PITPNM3: variants seen among roughly 807,000 people sequenced by gnomAD.
The protein encoded by PITPNM3 is membrane-associated phosphatidylinositol transfer protein 3.
Under a neutral mutation model 102.0 loss-of-function variants are expected in PITPNM3, and 26 were observed. That is an observed-to-expected ratio of 0.25 (90% CI 0.19 to 0.35). PITPNM3 has a LOEUF of 0.35. Ranked by LOEUF, PITPNM3 falls within the 10% of genes least tolerant of loss-of-function variation. PITPNM3 has a pLI of 1.00. For synonymous variants in PITPNM3, 578 were observed against 558.6 expected (o/e 1.03, Z -0.49); for missense variants, 1,083 against 1,346.1 (o/e 0.80, Z 3.06).
At chr17:6,547,885 T>C (rs1366543509) in intron 1 of PITPNM3, among the ~76,000 whole-genome samples, 1 of 151,842 alleles carries the variant, frequency 6.6e-6, no homozygotes, top group Non-Finnish European at 1.5e-5. Context: ...TGCACCACCA[T>C]GCCTGGCTAA....
At chr17:6,549,059 C>T (rs1781126233) in intron 1 of PITPNM3, among the ~76,000 whole-genome samples, 1 of 152,100 alleles carries the variant, frequency 6.6e-6, no homozygotes, top group Non-Finnish European at 1.5e-5. Context: ...CCAACACCCC[C>T]AGGAACCTTC....
rs376835834 is a variant in PITPNM3 at position 6,538,842 on chromosome 17, A to G, written c.23-760T>C. On this transcript the variant is annotated intron_variant, in intron 1 of 19. Coordinates refer to ENST00000262483, the MANE Select transcript of PITPNM3 (RefSeq NM_031220.4). ...AACAAGCATGGGGCGGGGGGTGGACATCCTCCCTAGCCACTGCCAGGTGAG... is the reference window on the plus strand; with the variant it reads ...AACAAGCATGGGGCGGGGGGTGGACGTCCTCCCTAGCCACTGCCAGGTGAG... Among the ~76,000 whole-genome samples the G allele has an allele frequency of 2.7e-4, 41 of 152,284 alleles. 1 individual carries two copies. In the East Asian group the frequency reaches 7.3e-3, roughly 27 times the overall value.
chr17:6,516,136 G>A (rs1464093350), intron 3 of PITPNM3, among the ~76,000 whole-genome samples: 1 of 152,208 alleles, frequency 6.6e-6, no homozygotes, highest in African/African-American at 2.4e-5. Context: ...CTGACCTGCA[G>A]AATGGAGACT....
At chr17:6,509,568 G>A (rs1171865366) in intron 3 of PITPNM3, among the ~76,000 whole-genome samples, 2 of 152,190 alleles carry the variant, frequency 1.3e-5, no homozygotes, top group Non-Finnish European at 1.5e-5. Flanking sequence ...GGCCAGACTG[G>A]TGGCTTTGCT....
chr17:6,487,926 A>C (rs1282460449), intron 4 of PITPNM3, among the ~76,000 whole-genome samples: 2 of 152,082 alleles, frequency 1.3e-5, no homozygotes, highest in Middle Eastern at 3.4e-3. Context: ...AAAGAGTCTC[A>C]CCTCCTACGC....
intron 2 of PITPNM3, among the ~76,000 whole-genome samples, chr17:6,525,776 G>C (rs1908798773): frequency 6.6e-6 from 1 of 152,176 alleles, no homozygotes; most frequent in African/African-American, 2.4e-5. Context: ...AGTGTGTTTG[G>C]GAAGAAAGAG....
chr17:6,455,369 C>A lies in PITPNM3; in HGVS notation c.2894G>T (p.Arg965Leu). Residue 965 changes from arginine to leucine, a missense_variant, in exon 20 of 20, where the codon CGT becomes CTT. By Grantham distance (102) the Arg-to-Leu change is moderately radical. Around this residue, in one of 5 missense-constraint regions of PITPNM3, gnomAD observed 208 missense variants for 178.2 expected, o/e 1.17. Transcript: ENST00000262483. ...ERPLPALSWA[R>L]GPPKFESVP ...CACCGACTCGAACTTGGGGGGCCCA[C>A]GCGCCCAGCTGAGCGCCGGCAGCGG... The A allele has an allele frequency of 2.5e-6, 4 of 1,585,728 alleles. No individual in the cohort carries two copies. Among genetic ancestry groups the A allele is most frequent in the Non-Finnish European group, 3.4e-6 (4 of 1,167,650 alleles).
Position 6,471,257 on chromosome 17 carries a change from T to G in PITPNM3, c.1528A>C (p.Arg510=), listed in dbSNP as rs1023751045. 25 of 1,613,264 alleles carry G rather than the reference T, an allele frequency of 1.5e-5. No homozygotes were observed. The highest frequency in any genetic ancestry group is 2.1e-5 in the Non-Finnish European group (25 of 1,179,926). Residue 510 remains arginine, a synonymous_variant, in exon 12 of 20, where the codon AGG becomes CGG. Coordinates refer to ENST00000262483, the MANE Select transcript of PITPNM3 (RefSeq NM_031220.4). ...DAPASPPQAS[R]FQRPGRRMSE... is the part of the protein sequence containing the mutation. ...ATCCTCCGTCCTGGGCGCTGGAACC[T>G]CGAGGCCTGAGGGGGCGAGGCAGGG...
intron 4 of PITPNM3, among the ~76,000 whole-genome samples, chr17:6,498,786 T>C (rs1446318776): frequency 6.6e-6 from 1 of 152,008 alleles, no homozygotes; most frequent in Non-Finnish European, 1.5e-5. Flanking sequence ...CCATTCACAC[T>C]GGATGGAAGC....
At chr17:6,460,511 A>G (rs1245396131) in intron 18 of PITPNM3, 4 of 152,320 alleles carry the variant, frequency 2.6e-5, no homozygotes, top group Admixed American at 1.3e-4. Flanking sequence ...CCACTACTCA[A>G]TTCTGCTGTT....
At position 6,472,724 on chromosome 17, in the gene PITPNM3, C is replaced by T. The variant is rs2150726780; in HGVS notation, c.1362G>A (p.Leu454=). 1.9e-6 allele frequency: 3 copies of T among 1,614,094 alleles called. No individual in the cohort carries two copies. Among genetic ancestry groups the T allele is most frequent in the East Asian group, 2.2e-5 (1 of 44,866 alleles). Residue 454 remains leucine (L), a synonymous_variant, in exon 11 of 20, where the codon CTG becomes CTA. Transcript: ENST00000262483. The surrounding 1 kb of genome is among the most constrained non-coding windows in gnomAD (Gnocchi z 4.1). ...AGCGAGGCACGCTGACAGGCGGCAC[C>T]AGGTGGAACTTGGGCTCCAGCAGTG... ...LEPLLEPKFH[L]VPPVSVPRYQ...
chr17:6,473,135 C>G (rs1183122607), intron 10 of PITPNM3: 5 of 428,834 alleles, frequency 1.2e-5, no homozygotes, highest in African/African-American at 2.0e-5. Flanking sequence ...TCCCCCATTT[C>G]CACGGGGCAA....
intron 19 of PITPNM3, 27 bp from the exon 20 acceptor site, chr17:6,455,670 A>T: frequency 9.9e-6 from 11 of 1,113,412 alleles, no homozygotes; most frequent in Non-Finnish European, 1.3e-5. Context: ...AGGGCAGGGG[A>T]GGGCAGGGCA....
intron 14 of PITPNM3, 146 bp from the exon 15 acceptor site, chr17:6,464,917 G>A (rs1904682555): frequency 2.5e-6 from 2 of 815,238 alleles, no homozygotes; most frequent in Non-Finnish European, 4.2e-6. Flanking sequence ...TTTCAGAGAT[G>A]TGTTCCCAGG....
At chr17:6,473,511 T>G (rs1456641825) in intron 10 of PITPNM3, among the ~76,000 whole-genome samples, 1 of 152,134 alleles carries the variant, frequency 6.6e-6, no homozygotes, top group East Asian at 1.9e-4. Context: ...CTGTAGCTTG[T>G]CAGTAAGCTT....
At chr17:6,479,103 C>G (rs1026357822) in intron 6 of PITPNM3, 1 of 225,972 alleles carries the variant, frequency 4.4e-6, no homozygotes, top group Non-Finnish European at 8.8e-6. Context: ...AACATATCAT[C>G]ATGGCAGACT....
At chr17:6,524,925 T>A (rs914300148) in intron 3 of PITPNM3, among the ~76,000 whole-genome samples, 1 of 152,112 alleles carries the variant, frequency 6.6e-6, no homozygotes, top group African/African-American at 2.4e-5. Flanking sequence ...CTTCAACAAC[T>A]CCACCAAAGG....
At chr17:6,464,525 G>T in intron 15 of PITPNM3, 130 bp downstream of exon 15, 2 of 1,109,506 alleles carry the variant, frequency 1.8e-6, no homozygotes, top group Non-Finnish European at 2.6e-6. Context: ...CAGGTGGGTA[G>T]CTCCTGGCCC....
chr17:6,544,851 ACACACACACACACT>A (rs67777983), intron 1 of PITPNM3, among the ~76,000 whole-genome samples: 88,430 of 151,666 alleles, frequency 0.58, 25,971 homozygotes, highest in South Asian at 0.74. Context: ...ATGCAGCCAC[ACACACACACACACT>A]CACACACACA....
Sources: gnomAD v4.1 joint callset for allele counts (sites outside exome capture counted in the v4.1 genomes callset) on GRCh38, gnomAD v4.1.1 for gene constraint, gnomAD v4.1.1 regional missense constraint, Gnocchi (gnomAD v3.1) non-coding constraint, MANE v1.5 for transcripts, NCBI Gene and HGNC (gene_info 2026-07-23, HGNC 2026-07-21) for gene names.